The following FRMD4A variants were observed in gnomAD, a reference collection of about 807,000 sequenced individuals.
The protein encoded by FRMD4A is FERM domain-containing protein 4A.
FRMD4A carries 29 observed loss-of-function variants against 129.1 expected under a neutral mutation model. The ratio of observed to expected loss-of-function variants is 0.22; its 90% CI spans 0.17 to 0.31. FRMD4A has a LOEUF of 0.31. FRMD4A is among the 10% of genes least tolerant of loss of function. The probability of loss-of-function intolerance (pLI) is 1.00; values close to 1 mark genes in which losing one functional copy is unlikely to be tolerated. For synonymous variants in FRMD4A, 634 were observed against 571.6 expected (o/e 1.11, Z -1.56); for missense variants, 1,272 against 1,375.8 (o/e 0.92, Z 1.19).
intron 2 of FRMD4A, among the ~76,000 whole-genome samples, chr10:14,089,706 C>T (rs1258484063): frequency 6.6e-6 from 1 of 151,330 alleles, no homozygotes; most frequent in African/African-American, 2.4e-5. Flanking sequence ...AAAATTTTCG[C>T]TTGTGGGAAA....
chr10:14,226,389 A>T (rs1455177285), intron 2 of FRMD4A, among the ~76,000 whole-genome samples: 2 of 152,202 alleles, frequency 1.3e-5, no homozygotes, highest in African/African-American at 4.8e-5. Flanking sequence ...AAATTGTGTT[A>T]TCATCGTATA....
intron 2 of FRMD4A, among the ~76,000 whole-genome samples, chr10:13,944,121 T>C (rs1372664376): frequency 6.6e-6 from 1 of 152,118 alleles, no homozygotes; most frequent in Non-Finnish European, 1.5e-5. Context: ...GGATCTTATG[T>C]AGCAGGGATC....
chr10:13,662,565 T>G (rs1042784506), intron 19 of FRMD4A, among the ~76,000 whole-genome samples: 1 of 152,176 alleles, frequency 6.6e-6, no homozygotes, highest in Non-Finnish European at 1.5e-5. Context: ...TGGAATTCTT[T>G]CTTCCCCGAC....
intron 2 of FRMD4A, among the ~76,000 whole-genome samples, chr10:14,317,886 G>A (rs539908741): frequency 3.3e-5 from 5 of 152,116 alleles, no homozygotes; most frequent in South Asian, 2.1e-4. Context: ...TCTAGATACA[G>A]AGTCTGAGTT....
At chr10:13,874,488 T>A (rs1379288917) in intron 2 of FRMD4A, among the ~76,000 whole-genome samples, 1 of 152,088 alleles carries the variant, frequency 6.6e-6, no homozygotes, top group Non-Finnish European at 1.5e-5. Context: ...TTGACTACCA[T>A]AAAGATCATT....
chr10:14,123,986 C>T (rs181803635), intron 2 of FRMD4A, among the ~76,000 whole-genome samples: 19 of 152,194 alleles, frequency 1.2e-4, no homozygotes, highest in Admixed American at 2.6e-4. Context: ...CAGAGGATTC[C>T]GTAAAATGCC....
In FRMD4A at chr10:13,651,809, G is replaced by A. The variant is rs149218078; in HGVS notation, c.*2+94C>T. 1,027 of 761,278 alleles carry A rather than the reference G, an allele frequency of 1.3e-3. 22 individuals carry two copies. Among genetic ancestry groups the A allele is most frequent in the South Asian group, 0.013 (913 of 70,496 alleles). The allele number at this position is 761,278 out of a possible 1,614,324, so 47.2% of individuals were successfully genotyped here. On this transcript the variant is annotated intron_variant, in intron 24 of 24. Coordinates refer to ENST00000357447, the MANE Select transcript of FRMD4A (RefSeq NM_018027.5). The stretch of plus-strand genomic sequence containing the variant: ...AAATAAGGCATAAATACAGCATTCA[G>A]ATGTATCCTTGTGGAAATGATGACA...
intron 2 of FRMD4A, among the ~76,000 whole-genome samples, chr10:14,290,028 A>G (rs757243952): frequency 3.5e-4 from 54 of 152,198 alleles, no homozygotes; most frequent in Non-Finnish European, 6.2e-4. Context: ...CAAATAAAAT[A>G]CTAAGAAATA....
At chr10:13,911,631 A>C (rs1295095400) in intron 2 of FRMD4A, among the ~76,000 whole-genome samples, 2 of 152,068 alleles carry the variant, frequency 1.3e-5, no homozygotes, top group African/African-American at 2.4e-5. Context: ...GCACAATCTC[A>C]GCTCACTGCA....
chr10:14,081,833 G>T (rs1057405355), intron 2 of FRMD4A, among the ~76,000 whole-genome samples: 2 of 152,134 alleles, frequency 1.3e-5, no homozygotes, highest in Admixed American at 6.5e-5. Flanking sequence ...TCCAATGCAG[G>T]TCATTGACTC....
At chr10:14,029,307 T>G (rs2131659194) in intron 2 of FRMD4A, among the ~76,000 whole-genome samples, 1 of 152,268 alleles carries the variant, frequency 6.6e-6, no homozygotes, top group South Asian at 2.1e-4. Flanking sequence ...AGCTGGTCTC[T>G]CCTTAGTCCT....
intron 2 of FRMD4A, among the ~76,000 whole-genome samples, chr10:14,294,549 G>A (rs560428675): frequency 1.8e-4 from 28 of 152,282 alleles, no homozygotes; most frequent in African/African-American, 6.5e-4. Flanking sequence ...ACTGGCCCCC[G>A]ATTCAGGCAG....
chr10:14,108,237 G>A (rs185676056), intron 2 of FRMD4A, among the ~76,000 whole-genome samples: 10 of 152,094 alleles, frequency 6.6e-5, no homozygotes, highest in African/African-American at 2.4e-4. Context: ...TCTATTTTCA[G>A]ATAAGTGCAT....
chr10:13,714,024 A>ATATATATATATAAAATATATATTT (rs1177689634), intron 12 of FRMD4A, among the ~76,000 whole-genome samples: 3 of 42,164 alleles, frequency 7.1e-5, no homozygotes, highest in African/African-American at 2.7e-4. Flanking sequence ...TATATAAAAT[A>ATATATATATATAAAATATATATTT]TACATATATA....
intron 2 of FRMD4A, among the ~76,000 whole-genome samples, chr10:13,997,872 C>A (rs1027439858): frequency 3.9e-5 from 6 of 152,138 alleles, no homozygotes; most frequent in African/African-American, 1.4e-4. Flanking sequence ...TCACCTCTAC[C>A]TCCCAAAGTG....
At chr10:13,814,572 C>G (rs1390193221) in intron 3 of FRMD4A, among the ~76,000 whole-genome samples, 1 of 82,320 alleles carries the variant, frequency 1.2e-5, no homozygotes, top group African/African-American at 5.4e-5. Flanking sequence ...TAGAGTGAGA[C>G]CCTGTTTCAA....
chr10:13,854,416 CT>C (rs925949386), intron 3 of FRMD4A, among the ~76,000 whole-genome samples: 1 of 151,810 alleles, frequency 6.6e-6, no homozygotes, highest in African/African-American at 2.4e-5. Flanking sequence ...TTGATGAAGG[CT>C]TTTTTTCTTT....
chr10:13,998,174 A>T (rs1379319252), intron 2 of FRMD4A, among the ~76,000 whole-genome samples: 1 of 152,112 alleles, frequency 6.6e-6, no homozygotes, highest in Admixed American at 6.5e-5. Flanking sequence ...CACATTCCCC[A>T]GATGTTATCA....
At chr10:13,834,863 C>T (rs551942665) in intron 3 of FRMD4A, among the ~76,000 whole-genome samples, 1 of 152,304 alleles carries the variant, frequency 6.6e-6, no homozygotes, top group Admixed American at 6.5e-5. Flanking sequence ...CTCTTGACTA[C>T]ACAAGACCTC....
Sources: allele counts gnomAD v4.1 joint callset (sites outside exome capture counted in the v4.1 genomes callset), GRCh38; gene constraint gnomAD v4.1.1; transcripts MANE v1.5; gene names NCBI Gene and HGNC (gene_info 2026-07-23, HGNC 2026-07-21).